SASS6: variants seen among roughly 807,000 people sequenced by gnomAD.
SASS6 encodes the protein SAS-6 centriolar assembly protein.
A neutral mutation model predicts 94.9 loss-of-function variants in SASS6; 59 were observed. The ratio of observed to expected loss-of-function variants is 0.62; its 90% CI spans 0.50 to 0.77. The LOEUF is 0.77. SASS6 is among the 30% of genes least tolerant of loss of function. SASS6 has a pLI of 0.00. For missense variants in SASS6, 698 were observed against 734.1 expected, an observed-to-expected ratio of 0.95 and a Z score of 0.57; for synonymous variants, 264 against 270.0, an observed-to-expected ratio of 0.98 and a Z score of 0.22.
intron 14 of SASS6, among the ~76,000 whole-genome samples, chr1:100,096,092 T>C (rs369820065): frequency 3.9e-5 from 6 of 152,150 alleles, no homozygotes; most frequent in East Asian, 1.9e-4. Context: ...TAAAACAATT[T>C]TGAAAAGGAA....
Position 100,105,807 on chromosome 1 carries a change from C to G in SASS6, c.1505G>C (p.Ser502Thr), listed in dbSNP as rs1652852573. ...AGAAATTCCACTTCTGATTGTGTTG[C>G]TGCTGGAATGTGCAGGCGGAGTAGT... ...PSTTPPAHSSSNTIRSGISPN... is the reference protein window; with the variant it reads ...PSTTPPAHSSTNTIRSGISPN... Residue 502 changes from serine (S) to threonine (T), a missense_variant, in exon 13 of 17, where the codon AGC becomes ACC. Transcript: ENST00000287482. 2 of 1,613,226 alleles carry G rather than the reference C, an allele frequency of 1.2e-6. No homozygotes were observed. The highest frequency in any genetic ancestry group is 3.3e-5 in the Admixed American group (2 of 59,874).
intron 14 of SASS6, among the ~76,000 whole-genome samples, chr1:100,098,699 G>C (rs1197597993): frequency 6.6e-6 from 1 of 150,760 alleles, no homozygotes; most frequent in Non-Finnish European, 1.5e-5. Context: ...CATAAATAGA[G>C]TATTAGTTAA....
intron 2 of SASS6, among the ~76,000 whole-genome samples, chr1:100,124,675 T>C (rs1654438781): frequency 6.6e-6 from 1 of 152,126 alleles, no homozygotes; most frequent in Non-Finnish European, 1.5e-5. Flanking sequence ...GGCACTGCCC[T>C]TGGCACAGAT....
intron 1 of SASS6, among the ~76,000 whole-genome samples, chr1:100,127,789 C>T (rs1654721903): frequency 6.6e-6 from 1 of 150,744 alleles, no homozygotes; most frequent in South Asian, 2.1e-4. Context: ...GGGTTCAAGT[C>T]CAGTCTGGGC....
intron 7 of SASS6, among the ~76,000 whole-genome samples, chr1:100,116,301 A>C (rs1282491928): frequency 6.6e-6 from 1 of 152,200 alleles, no homozygotes; most frequent in Non-Finnish European, 1.5e-5. Flanking sequence ...CTATAATAAT[A>C]CTAATAATAG....
At chr1:100,127,973 T>A (rs1457898020) in intron 1 of SASS6, among the ~76,000 whole-genome samples, 1 of 152,208 alleles carries the variant, frequency 6.6e-6, no homozygotes, top group Non-Finnish European at 1.5e-5. Context: ...CATAGTGGTA[T>A]GATACTGCAG....
intron 14 of SASS6, among the ~76,000 whole-genome samples, chr1:100,094,749 C>A (rs138205374): frequency 1.1e-3 from 167 of 151,876 alleles, no homozygotes; most frequent in African/African-American, 3.8e-3. Flanking sequence ...ACCTGTAGTC[C>A]CAGCTACTCG....
intron 14 of SASS6, among the ~76,000 whole-genome samples, chr1:100,102,494 T>C (rs529649247): frequency 1.3e-5 from 2 of 152,194 alleles, no homozygotes; most frequent in African/African-American, 4.8e-5. Flanking sequence ...CTGGCCAACA[T>C]GGCGAAACCT....
intron 8 of SASS6, among the ~76,000 whole-genome samples, chr1:100,109,675 G>A (rs1653160333): frequency 6.6e-6 from 1 of 152,006 alleles, no homozygotes; most frequent in African/African-American, 2.4e-5. Context: ...AATAATAGAT[G>A]AGTTCTAATC....
chr1:100,124,187 A>G (rs940144531), intron 2 of SASS6, among the ~76,000 whole-genome samples: 2 of 152,206 alleles, frequency 1.3e-5, no homozygotes, highest in South Asian at 4.1e-4. Context: ...GAAGTATAAT[A>G]TATCATCTCT....
intron 14 of SASS6, among the ~76,000 whole-genome samples, chr1:100,091,579 T>C (rs1198186765): frequency 4.1e-5 from 6 of 146,994 alleles, no homozygotes; most frequent in Non-Finnish European, 5.9e-5. Context: ...AAATCACCCA[T>C]TATAACCGTG....
intron 2 of SASS6, among the ~76,000 whole-genome samples, chr1:100,125,213 C>T (rs1654514046): frequency 7.0e-6 from 1 of 142,408 alleles, no homozygotes; most frequent in Non-Finnish European, 1.5e-5. Flanking sequence ...GCCAATTCTA[C>T]AAGGCAGCAG....
intron 7 of SASS6, among the ~76,000 whole-genome samples, chr1:100,113,545 C>T (rs1303113566): frequency 2.7e-5 from 4 of 150,600 alleles, no homozygotes; most frequent in Non-Finnish European, 4.4e-5. Flanking sequence ...GGCGTGAACC[C>T]GGGAGGCAGA....
In SASS6 at chr1:100,107,796, A is replaced by C. The variant is rs1653018652; in HGVS notation, c.1056+14T>G. 6.3e-7 allele frequency: 1 copy of C among 1,586,258 alleles called. No homozygotes were observed. The highest frequency in any genetic ancestry group is 8.6e-7 in the Non-Finnish European group (1 of 1,160,648). On this transcript the variant is annotated intron_variant, in intron 9 of 16. Transcript: ENST00000287482. The stretch of plus-strand genomic sequence containing the variant: ...ATATGATTATCAATTTCTGAGAAAA[A>C]TTTAAAAGTAGACCTTTTGTTCCTG...
At chr1:100,127,757 C>A (rs1027620880) in intron 1 of SASS6, among the ~76,000 whole-genome samples, 4 of 141,612 alleles carry the variant, frequency 2.8e-5, no homozygotes, top group Non-Finnish European at 6.0e-5. Context: ...GAGGCTGAGG[C>A]AGGAGGATAG....
At position 100,122,421 on chromosome 1, in the gene SASS6, G is replaced by A. The variant is rs1654259617; in HGVS notation, c.270C>T (p.Leu90=). 2 of 1,583,314 alleles carry A rather than the reference G, an allele frequency of 1.3e-6. No homozygotes were observed. The highest frequency in any genetic ancestry group is 2.2e-5 in the East Asian group (1 of 44,504). ...CATGTTCTTGAGTACATTGCTGAAG[G>A]AGATCTATAAATTTTTGTGGGAAAG... ...FLAFPQKFID[L]LQQCTQEHAK... Residue 90 remains leucine (L), a synonymous_variant, in exon 4 of 17, where the codon CTC becomes CTT. Coordinates refer to ENST00000287482, the MANE Select transcript of SASS6 (RefSeq NM_194292.3).
At chr1:100,092,961 C>T (rs1651842469) in intron 14 of SASS6, among the ~76,000 whole-genome samples, 1 of 151,886 alleles carries the variant, frequency 6.6e-6, no homozygotes, top group African/African-American at 2.4e-5. Flanking sequence ...AGATACAATA[C>T]ATACGAAATA....
At chr1:100,100,439 C>G (rs969106048) in intron 14 of SASS6, among the ~76,000 whole-genome samples, 1 of 152,196 alleles carries the variant, frequency 6.6e-6, no homozygotes, top group Non-Finnish European at 1.5e-5. Flanking sequence ...CAGCAGATAA[C>G]AGACATTCAT....
At chr1:100,117,338 T>A (rs1380951350) in intron 7 of SASS6, among the ~76,000 whole-genome samples, 1 of 148,842 alleles carries the variant, frequency 6.7e-6, no homozygotes, top group Non-Finnish European at 1.5e-5. Context: ...GAAAAGGAAT[T>A]CATACTACAA....
Sources: gnomAD v4.1 joint callset for allele counts (sites outside exome capture counted in the v4.1 genomes callset) on GRCh38, gnomAD v4.1.1 for gene constraint, MANE v1.5 for transcripts, NCBI Gene and HGNC (gene_info 2026-07-23, HGNC 2026-07-21) for gene names.